GCN1: variants seen among roughly 807,000 people sequenced by gnomAD.
GCN1 encodes the protein GCN1 activator of EIF2AK4.
GCN1 carries 90 observed loss-of-function variants against 288.4 expected under a neutral mutation model. The observed-to-expected ratio is 0.31, with a 90% confidence interval of 0.26 to 0.37. The LOEUF is 0.37. Ranked by LOEUF, GCN1 falls within the 10% of genes least tolerant of loss-of-function variation. GCN1 has a pLI of 1.00. For missense variants in GCN1, 2,586 were observed against 3,419.9 expected (o/e 0.76, Z 6.08); for synonymous variants, 1,386 against 1,420.2 (o/e 0.98, Z 0.54).
intron 33 of GCN1, 66 bp from the exon 34 acceptor site, chr12:120,151,457 C>G: frequency 1.3e-6 from 2 of 1,554,416 alleles, no homozygotes; most frequent in Non-Finnish European, 1.7e-6. Context: ...GGTGGGGGGT[C>G]TGACCATTCT....
chr12:120,132,614 T>C (rs1330806754), intron 53 of GCN1, among the ~76,000 whole-genome samples: 1 of 152,198 alleles, frequency 6.6e-6, no homozygotes, highest in Non-Finnish European at 1.5e-5. Context: ...CCAAGGAAGA[T>C]AAGGAAAGGC....
intron 5 of GCN1, among the ~76,000 whole-genome samples, chr12:120,181,407 G>A (rs1278689015): frequency 2.9e-5 from 4 of 139,454 alleles, no homozygotes; most frequent in Non-Finnish European, 4.5e-5. Flanking sequence ...CAAGGCTGCA[G>A]TGAGCTGAGA....
At chr12:120,165,249 ATG>A (rs1878084419) in intron 16 of GCN1, among the ~76,000 whole-genome samples, 2 of 151,632 alleles carry the variant, frequency 1.3e-5, no homozygotes, top group Non-Finnish European at 2.9e-5. Flanking sequence ...GTTAGCCAGG[ATG>A]GTCTCGATCT....
chr12:120,146,060 A>G (rs1004598059), intron 38 of GCN1, among the ~76,000 whole-genome samples: 13 of 152,030 alleles, frequency 8.6e-5, no homozygotes, highest in Non-Finnish European at 1.9e-4. Flanking sequence ...TGAGGTCAGG[A>G]GTTCGAGACC....
In GCN1 at chr12:120,131,925, C is replaced by A; in HGVS notation, c.7414+1G>T. On this transcript the variant is annotated splice_donor_variant, in intron 54 of 57. Coordinates refer to ENST00000300648, the MANE Select transcript of GCN1 (RefSeq NM_006836.2). LOFTEE classifies it high-confidence loss of function. Reference sequence around the variant, plus strand: ...GAAGGGGAACTCTCCAGTGTACTTACCCAGCAAGCACTGCTGTAGAACGGC... The same window carrying A: ...GAAGGGGAACTCTCCAGTGTACTTAACCAGCAAGCACTGCTGTAGAACGGC... The A allele has an allele frequency of 6.3e-7, 1 of 1,590,380 alleles. No homozygotes were observed. The highest frequency in any genetic ancestry group is 8.6e-7 in the Non-Finnish European group (1 of 1,163,878).
intron 2 of GCN1, among the ~76,000 whole-genome samples, chr12:120,187,161 A>G (rs1878846597): frequency 6.6e-6 from 1 of 152,098 alleles, no homozygotes; most frequent in Non-Finnish European, 1.5e-5. Context: ...TGGTAGAAAT[A>G]GGAAGTAAAA....
rs1878733003 is a variant in GCN1, at chr12:120,183,617, A to G, written c.378T>C (p.Ile126=). 1 of 1,613,746 alleles carries G rather than the reference A, an allele frequency of 6.2e-7. No individual in the cohort carries two copies. The highest frequency in any genetic ancestry group is 8.5e-7 in the Non-Finnish European group (1 of 1,179,756). Reference sequence around the variant, plus strand: ...GTCGCTTGGCTCTCGATGGAAAGACAATGCGCACCAGGAGGCAGGTCCAGG... The same window carrying G: ...GTCGCTTGGCTCTCGATGGAAAGACGATGCGCACCAGGAGGCAGGTCCAGG... ...ALTWTCLLVR[I]VFPSRAKRQG... The change falls in exon 5 of 58, where the codon ATT becomes ATC. Residue 126 remains isoleucine, a synonymous_variant. Coordinates refer to ENST00000300648, the MANE Select transcript of GCN1 (RefSeq NM_006836.2).
intron 57 of GCN1, among the ~76,000 whole-genome samples, chr12:120,128,479 A>C (rs1185612751): frequency 6.6e-6 from 1 of 151,814 alleles, no homozygotes; most frequent in African/African-American, 2.4e-5. Context: ...GAGATTACAG[A>C]CATAGCGCCA....
At position 120,162,922 on chromosome 12, in the gene GCN1, G is replaced by C. The variant is rs759047082; in HGVS notation, c.2088C>G (p.Ile696Met). ...GCCTGGTGATAAAGGCTTCAGGATC[G>C]ATCTTCATCCTGGCAAGAAGTGCTG... Reference protein sequence around the residue: ...LWPALLARMKIDPEAFITRHL... With the variant: ...LWPALLARMKMDPEAFITRHL... Residue 696 changes from isoleucine to methionine, a missense_variant, in exon 20 of 58, where the codon ATC becomes ATG. Ile to Met is a conservative substitution (Grantham distance 10). This residue lies in a region of GCN1 where 913 missense variants were observed against 1,107.0 expected (regional missense o/e 0.82). Coordinates refer to ENST00000300648, the MANE Select transcript of GCN1 (RefSeq NM_006836.2). The C allele has an allele frequency of 6.2e-7, 1 of 1,614,056 alleles. No individual in the cohort carries two copies. Among genetic ancestry groups the C allele is most frequent in the Admixed American group, 1.7e-5 (1 of 60,014 alleles).
intron 21 of GCN1, 26 bp from the exon 22 acceptor site, chr12:120,161,609 C>T (rs1877929283): frequency 1.3e-6 from 2 of 1,560,684 alleles, no homozygotes; most frequent in South Asian, 1.1e-5. Flanking sequence ...GGGTCATCAG[C>T]CAGCTTGAAA....
intron 34 of GCN1, 77 bp downstream of exon 34, chr12:120,151,068 C>T: frequency 2.0e-6 from 3 of 1,532,450 alleles, no homozygotes; most frequent in Middle Eastern, 1.7e-4. Flanking sequence ...CCTGGGGCGC[C>T]ACGGTCAGAT....
chr12:120,133,938 C>T (rs987126348), intron 53 of GCN1, among the ~76,000 whole-genome samples: 35 of 152,096 alleles, frequency 2.3e-4, no homozygotes, highest in African/African-American at 8.0e-4. Flanking sequence ...GGTATGGTGG[C>T]GGACACCTGT....
Position 120,134,555 on chromosome 12 carries a change from C to T in GCN1, c.7180G>A (p.Ala2394Thr), listed in dbSNP as rs919946892. Residue 2394 changes from alanine (A) to threonine (T), a missense_variant, in exon 52 of 58, where the codon GCC becomes ACC. Ala to Thr is a moderately conservative substitution (Grantham distance 58). This residue lies in a region of GCN1 where 355 missense variants were observed against 431.1 expected (regional missense o/e 0.82). Coordinates refer to ENST00000300648, the MANE Select transcript of GCN1 (RefSeq NM_006836.2). This position sits in a 1 kb window ranked among gnomAD's most constrained non-coding sequence, Gnocchi z 5.0. ...TACCTGACACCTGGGTCCTCCATGG[C>T]GCGGATGCCATTGAGCAGCTCTGTG... is the stretch of plus-strand genomic sequence containing the variant. ...LFTELLNGIR[A>T]MEDPGVRDTM... The T allele has an allele frequency of 6.8e-6, 11 of 1,614,104 alleles. No individual in the cohort carries two copies. The highest frequency in any genetic ancestry group is 2.7e-5 in the African/African-American group (2 of 75,062).
chr12:120,161,637 C>T (rs1594275701), intron 21 of GCN1, 54 bp from the exon 22 acceptor site: 1 of 1,309,396 alleles, frequency 7.6e-7, no homozygotes, highest in East Asian at 2.3e-5. Context: ...CAAGTCCTGT[C>T]AGCCTCCCGC....
chr12:120,145,386 C>G, intron 38 of GCN1, 56 bp from the exon 39 acceptor site: 1 of 1,336,092 alleles, frequency 7.5e-7, no homozygotes, highest in Non-Finnish European at 1.0e-6. Flanking sequence ...TTCTCCAGGC[C>G]TGTTCCACTG....
intron 36 of GCN1, 106 bp from the exon 37 acceptor site, chr12:120,148,452 C>T (rs1172329593): frequency 3.0e-5 from 27 of 913,656 alleles, no homozygotes; most frequent in East Asian, 1.3e-4. Context: ...CCCCTGCAGA[C>T]GGTGCTCAAG....
At chr12:120,189,008 T>G (rs1878916902) in intron 2 of GCN1, among the ~76,000 whole-genome samples, 1 of 152,142 alleles carries the variant, frequency 6.6e-6, no homozygotes, top group Non-Finnish European at 1.5e-5. Flanking sequence ...CTGTTGCAAT[T>G]CACACTATAG....
Position 120,164,392 on chromosome 12 carries a change from A to C in GCN1, c.1792T>G (p.Phe598Val), listed in dbSNP as rs1265393991. The C allele has an allele frequency of 1.2e-6, 2 of 1,614,164 alleles. No individual in the cohort carries two copies. Among genetic ancestry groups the C allele is most frequent in the South Asian group, 1.1e-5 (1 of 91,088 alleles). ...TCCAAGAGTCCGTGCGCCAGCTTAA[A>C]GCCCCCAAGAGAGGACAGCAGCTTC... ...VRKLLSSLGG[F>V]KLAHGLLEEL... is the part of the protein sequence containing the mutation. The change falls in exon 18 of 58, where the codon TTT becomes GTT. Residue 598 changes from phenylalanine to valine, a missense_variant. By Grantham distance (50) the Phe-to-Val change is conservative. This residue lies in a region of GCN1 where 913 missense variants were observed against 1,107.0 expected (regional missense o/e 0.82). Transcript: ENST00000300648.
In GCN1 at chr12:120,156,665, G is replaced by C; in HGVS notation, c.3169-61C>G. On this transcript the variant is annotated intron_variant, in intron 27 of 57. Coordinates refer to ENST00000300648, the MANE Select transcript of GCN1 (RefSeq NM_006836.2). The surrounding 1 kb of genome is among the most constrained non-coding windows in gnomAD (Gnocchi z 5.8). ...ACTCATTTACTACTAGGGGGCCAGA[G>C]AGGGATATGCACTGAGAACACCCAC... The C allele has an allele frequency of 6.5e-7, 1 of 1,548,112 alleles. No homozygotes were observed. The highest frequency in any genetic ancestry group is 8.9e-7 in the Non-Finnish European group (1 of 1,124,860).
Sources: allele counts gnomAD v4.1 joint callset (sites outside exome capture counted in the v4.1 genomes callset), GRCh38; gene constraint gnomAD v4.1.1; regional missense constraint gnomAD v4.1.1; non-coding constraint Gnocchi (gnomAD v3.1); transcripts MANE v1.5; gene names NCBI Gene and HGNC (gene_info 2026-07-23, HGNC 2026-07-21).